EZR: variants seen among roughly 807,000 people sequenced by gnomAD.
The protein encoded by EZR is cytovillin 2.
Under a neutral mutation model 74.8 loss-of-function variants are expected in EZR, and 40 were observed. The observed-to-expected ratio is 0.53, with a 90% CI of 0.42 to 0.70. EZR has a LOEUF of 0.70. Ranked by LOEUF, EZR falls within the 30% of genes least tolerant of loss-of-function variation. The probability of loss-of-function intolerance (pLI) is 0.00; values close to 1 mark genes in which losing one functional copy is unlikely to be tolerated. For missense variants in EZR, 678 were observed against 755.8 expected, an observed-to-expected ratio of 0.90 and a Z score of 1.21; for synonymous variants, 341 against 283.3, an observed-to-expected ratio of 1.20 and a Z score of -2.05.
chr6:158,796,563 T>TA (rs769661966), intron 2 of EZR, among the ~76,000 whole-genome samples: 3 of 152,226 alleles, frequency 2.0e-5, no homozygotes, highest in Non-Finnish European at 2.9e-5. Context: ...GCCTGGCTTT[T>TA]GACACCATCC....
At chr6:158,801,906 C>T (rs1319673952) in intron 2 of EZR, among the ~76,000 whole-genome samples, 11 of 152,166 alleles carry the variant, frequency 7.2e-5, no homozygotes, top group Non-Finnish European at 1.5e-4. Context: ...GTCCTGGGGC[C>T]CATGATGGAG....
At chr6:158,803,040 A>G (rs1302653092) in intron 2 of EZR, among the ~76,000 whole-genome samples, 1 of 151,836 alleles carries the variant, frequency 6.6e-6, no homozygotes, top group African/African-American at 2.4e-5. Flanking sequence ...ACTACATGCC[A>G]CTCACACCTC....
intron 2 of EZR, among the ~76,000 whole-genome samples, chr6:158,803,530 TATATATATATATATGTA>T (rs1777236746): frequency 5.9e-5 from 4 of 68,162 alleles, no homozygotes; most frequent in Admixed American, 1.9e-4. Flanking sequence ...TGTAACATTA[TATATATATATATATGTA>T]TATATATATA....
In EZR at chr6:158,766,849, C is replaced by A. The variant is rs1562487348; in HGVS notation, c.*65G>T. 7.3e-7 allele frequency: 1 copy of A among 1,370,624 alleles called. No homozygotes were observed. The highest frequency in any genetic ancestry group is 1.2e-5 in the South Asian group (1 of 80,722). 84.9% of individuals were successfully genotyped at this position (1,370,624 alleles called of 1,614,324 possible). ...TCCTAGACTTGGAGCACTAAAGACA[C>A]AAGCGTGGCGGGGCTGGCAGCGCCC... On this transcript the variant is annotated 3_prime_UTR_variant, in exon 14 of 14. Transcript: ENST00000367075.
chr6:158,819,008 C>T (rs891227768), intron 1 of EZR, among the ~76,000 whole-genome samples: 3 of 152,250 alleles, frequency 2.0e-5, no homozygotes, highest in South Asian at 2.1e-4. Flanking sequence ...CAGTCACAAC[C>T]GTCAAGCCTT....
intron 2 of EZR, among the ~76,000 whole-genome samples, chr6:158,799,627 C>T (rs3102993): frequency 0.11 from 17,205 of 152,262 alleles, 997 homozygotes; most frequent in Middle Eastern, 0.15. Context: ...AATTATAGCA[C>T]TAGCTATGAC....
At chr6:158,807,822 A>G (rs774184929) in intron 2 of EZR, among the ~76,000 whole-genome samples, 1 of 152,136 alleles carries the variant, frequency 6.6e-6, no homozygotes, top group Non-Finnish European at 1.5e-5. Flanking sequence ...GGCTCCCTTT[A>G]CAACTCCAAA....
Position 158,787,106 on chromosome 6 carries a change from G to T in EZR, c.192+2C>A. 1.2e-6 allele frequency: 2 copies of T among 1,611,974 alleles called. No individual in the cohort carries two copies. Among genetic ancestry groups the T allele is most frequent in the Non-Finnish European group, 1.7e-6 (2 of 1,178,176 alleles). ...GCCTGTAAATAGTTAATCCTGACTT[G>T]CCTTCTTATCCAGCTTCAGCCAGGT... On this transcript the variant is annotated splice_donor_variant, in intron 4 of 13. Coordinates refer to ENST00000367075, the MANE Select transcript of EZR (RefSeq NM_001111077.2). LOFTEE classifies it high-confidence loss of function.
intron 2 of EZR, among the ~76,000 whole-genome samples, chr6:158,798,966 T>C (rs761348201): frequency 4.6e-5 from 7 of 152,188 alleles, no homozygotes; most frequent in Non-Finnish European, 1.0e-4. Flanking sequence ...AGCACTCTAA[T>C]TACAAAAATT....
intron 8 of EZR, among the ~76,000 whole-genome samples, chr6:158,772,844 G>A (rs188645976): frequency 1.5e-3 from 222 of 152,306 alleles, no homozygotes; most frequent in Middle Eastern, 3.4e-3. Context: ...GAGACCTAAC[G>A]AGGAACCGGC....
intron 2 of EZR, among the ~76,000 whole-genome samples, chr6:158,807,547 T>C (rs1482250908): frequency 1.3e-5 from 2 of 152,198 alleles, no homozygotes; most frequent in African/African-American, 2.4e-5. Context: ...CATGGTTCAC[T>C]GTCCAACCCA....
intron 8 of EZR, among the ~76,000 whole-genome samples, chr6:158,774,711 A>ACACG (rs1554272025): frequency 1.1e-4 from 16 of 149,700 alleles, no homozygotes; most frequent in African/African-American, 3.7e-4. Flanking sequence ...ACACACACAC[A>ACACG]CACGCACAAA....
At chr6:158,813,210 C>T (rs759523891) in intron 2 of EZR, among the ~76,000 whole-genome samples, 1 of 152,182 alleles carries the variant, frequency 6.6e-6, no homozygotes, top group African/African-American at 2.4e-5. Context: ...CCTTTGCACA[C>T]GTTGTTACCT....
In EZR at chr6:158,769,195, A is replaced by C; in HGVS notation, c.1344+131T>G. On this transcript the variant is annotated intron_variant, in intron 12 of 13. Transcript: ENST00000367075. ...GCAGAGGATCATGAGACATCCCAGA[A>C]GCTTCCAGTGGGATGTGGCAGCTTG... The C allele has an allele frequency of 4.4e-6, 3 of 675,784 alleles. No individual in the cohort carries two copies. The South Asian group carries it at 5.3e-5, about 12-fold the overall frequency. 41.9% of individuals were successfully genotyped at this position (675,784 alleles called of 1,614,324 possible).
intron 2 of EZR, among the ~76,000 whole-genome samples, chr6:158,793,658 C>A (rs1308605593): frequency 1.3e-5 from 2 of 152,132 alleles, no homozygotes; most frequent in African/African-American, 2.4e-5. Flanking sequence ...CGTTTAGCAT[C>A]CTTAAGCCAT....
At chr6:158,808,019 AAT>A (rs2128576147) in intron 2 of EZR, among the ~76,000 whole-genome samples, 2 of 152,338 alleles carry the variant, frequency 1.3e-5, no homozygotes, top group South Asian at 4.1e-4. Flanking sequence ...TTTGTTCACC[AAT>A]GTCTCCCCAG....
At chr6:158,787,491 T>A (rs2128570892) in intron 3 of EZR, among the ~76,000 whole-genome samples, 1 of 152,346 alleles carries the variant, frequency 6.6e-6, no homozygotes, top group Non-Finnish European at 1.5e-5. Context: ...TACTCCAGGA[T>A]GCTCTCCTGC....
chr6:158,778,856 T>A (rs550295321), intron 7 of EZR, among the ~76,000 whole-genome samples: 3 of 152,360 alleles, frequency 2.0e-5, no homozygotes, highest in African/African-American at 7.2e-5. Context: ...CATGAGTCCA[T>A]ATTAATATAA....
intron 2 of EZR, among the ~76,000 whole-genome samples, chr6:158,795,613 G>C (rs574835409): frequency 3.3e-5 from 5 of 152,120 alleles, no homozygotes; most frequent in Non-Finnish European, 7.3e-5. Flanking sequence ...GGTGTGCCAG[G>C]CACCTCGATG....
Sources: gnomAD v4.1 joint callset for allele counts (sites outside exome capture counted in the v4.1 genomes callset) on GRCh38, gnomAD v4.1.1 for gene constraint, MANE v1.5 for transcripts, NCBI Gene and HGNC (gene_info 2026-07-23, HGNC 2026-07-21) for gene names.